CYP2C18: variants seen among roughly 807,000 people sequenced by gnomAD.
CYP2C18 encodes the protein cytochrome P450 2C18.
In CYP2C18, 38 loss-of-function variants were observed where a neutral mutation model predicts 41.3. The observed-to-expected ratio is 0.92, with a 90% CI of 0.71 to 1.21. CYP2C18 has a LOEUF of 1.21. CYP2C18 is among the 50% of genes most tolerant of loss of function. The probability of loss-of-function intolerance (pLI) is 0.00; values close to 1 mark genes in which losing one functional copy is unlikely to be tolerated. For synonymous variants in CYP2C18, 236 were observed against 210.0 expected (o/e 1.12, Z -1.07); for missense variants, 635 against 591.4 (o/e 1.07, Z -0.77).
Position 94,687,788 on chromosome 10 carries a change from C to T in CYP2C18, c.187C>T (p.Pro63Ser). ...SLTNFSKVYG[P>S]VFTVYFGLKP... is the part of the protein sequence containing the mutation. ...TGTTTAGTTCTCAAAAGTCTATGGCCCTGTGTTCACTGTGTATTTTGGCCT... is the reference window on the plus strand; with the variant it reads ...TGTTTAGTTCTCAAAAGTCTATGGCTCTGTGTTCACTGTGTATTTTGGCCT... The change falls in exon 2 of 9, where the codon CCT becomes TCT. Residue 63 changes from proline to serine, a missense_variant. Pro to Ser is a moderately conservative substitution (Grantham distance 74). Coordinates refer to ENST00000285979, the MANE Select transcript of CYP2C18 (RefSeq NM_000772.3). 1 of 1,613,188 alleles carries T rather than the reference C, an allele frequency of 6.2e-7. No homozygotes were observed. Among genetic ancestry groups the T allele is most frequent in the Non-Finnish European group, 8.5e-7 (1 of 1,179,518 alleles).
intron 5 of CYP2C18, among the ~76,000 whole-genome samples, chr10:94,712,212 G>A (rs894005651): frequency 1.2e-4 from 18 of 150,458 alleles, no homozygotes; most frequent in Non-Finnish European, 1.9e-4. Context: ...GGAATCCATG[G>A]ATAGGAAGGT....
chr10:94,727,829 T>A (rs1847769328), intron 7 of CYP2C18, among the ~76,000 whole-genome samples: 1 of 152,112 alleles, frequency 6.6e-6, no homozygotes, highest in Admixed American at 6.6e-5. Context: ...ATCTATACAT[T>A]TATCTGCATT....
At chr10:94,708,273 T>C (rs907687651) in intron 5 of CYP2C18, among the ~76,000 whole-genome samples, 1 of 152,092 alleles carries the variant, frequency 6.6e-6, no homozygotes, top group Non-Finnish European at 1.5e-5. Flanking sequence ...AGAAACAAAT[T>C]ATTTGTACTC....
At chr10:94,726,286 T>C (rs2134207348) in intron 7 of CYP2C18, among the ~76,000 whole-genome samples, 1 of 152,180 alleles carries the variant, frequency 6.6e-6, no homozygotes. Context: ...GCCATGGTGG[T>C]TCGCTGCACC....
At chr10:94,684,446 T>C (rs949148606) in intron 1 of CYP2C18, among the ~76,000 whole-genome samples, 1 of 152,192 alleles carries the variant, frequency 6.6e-6, no homozygotes, top group African/African-American at 2.4e-5. Flanking sequence ...TGAGATCATA[T>C]ATGATATTTG....
rs975780384 is a variant in CYP2C18, at chr10:94,711,102, A to G, written c.819+4142A>G. Among the ~76,000 whole-genome samples the G allele has an allele frequency of 2.6e-5, 4 of 152,284 alleles. No individual in the cohort carries two copies. The East Asian group carries it at 7.7e-4, about 29-fold the overall frequency. ...CCAACTGAATATAAGAACTCAGTTC[A>G]TTCAGTCCCTTGTCCTAAGCATCTC... On this transcript the variant is annotated intron_variant, in intron 5 of 8. Transcript: ENST00000285979.
chr10:94,707,100 G>C, intron 5 of CYP2C18, 140 bp downstream of exon 5: 1 of 529,338 alleles, frequency 1.9e-6, no homozygotes, highest in South Asian at 3.5e-5. Flanking sequence ...GCACCATGGA[G>C]AATTTATAAT....
intron 4 of CYP2C18, among the ~76,000 whole-genome samples, chr10:94,702,352 C>T (rs12765525): frequency 0.26 from 39,720 of 151,956 alleles, 5,478 homozygotes; most frequent in Middle Eastern, 0.3. Context: ...CCATTCTCCC[C>T]GTCACTTTCA....
intron 3 of CYP2C18, among the ~76,000 whole-genome samples, chr10:94,693,502 C>A (rs1847053229): frequency 6.6e-6 from 1 of 152,196 alleles, no homozygotes; most frequent in East Asian, 1.9e-4. Flanking sequence ...GCCTAATATA[C>A]TTCCCCACAT....
intron 5 of CYP2C18, among the ~76,000 whole-genome samples, chr10:94,716,577 T>C (rs1847548213): frequency 6.6e-6 from 1 of 152,212 alleles, no homozygotes; most frequent in Non-Finnish European, 1.5e-5. Flanking sequence ...TTTTTACATT[T>C]GCTGAGGAGT....
chr10:94,720,713 A>G (rs1161697835), intron 6 of CYP2C18, among the ~76,000 whole-genome samples, 176 bp downstream of exon 6: 1 of 152,202 alleles, frequency 6.6e-6, no homozygotes. Flanking sequence ...TTTGCACAAT[A>G]GGGAAGAGGG....
intron 7 of CYP2C18, chr10:94,728,581 T>TC: frequency 1.1e-6 from 1 of 934,732 alleles, no homozygotes; most frequent in Non-Finnish European, 1.3e-6. Flanking sequence ...GATGAAGAGT[T>TC]CCCCCACGTG....
chr10:94,713,549 A>G (rs1210969504), intron 5 of CYP2C18, among the ~76,000 whole-genome samples: 1 of 152,182 alleles, frequency 6.6e-6, no homozygotes, highest in African/African-American at 2.4e-5. Context: ...CATGGTGTAT[A>G]TGTGCCACAT....
chr10:94,688,279 G>T lies in CYP2C18; in HGVS notation c.481+5G>T. On this transcript the variant is annotated splice_donor_5th_base_variant and intron_variant, in intron 3 of 8. Transcript: ENST00000285979. The stretch of plus-strand genomic sequence containing the variant: ...AGGAGTTGAGAAAAACCAATGGTGG[G>T]TGACTTTTTTTTTTCCTGAAAAATG... 1 of 1,588,532 alleles carries T rather than the reference G, an allele frequency of 6.3e-7. No individual in the cohort carries two copies. Among genetic ancestry groups the T allele is most frequent in the South Asian group, 1.2e-5 (1 of 83,634 alleles).
chr10:94,710,505 G>T (rs1847416626), intron 5 of CYP2C18, among the ~76,000 whole-genome samples: 1 of 152,188 alleles, frequency 6.6e-6, no homozygotes, highest in Non-Finnish European at 1.5e-5. Context: ...TCTTCCAATA[G>T]ATGAACATGG....
At chr10:94,689,604 A>C (rs890810076) in intron 3 of CYP2C18, among the ~76,000 whole-genome samples, 1 of 152,158 alleles carries the variant, frequency 6.6e-6, no homozygotes, top group Admixed American at 6.5e-5. Flanking sequence ...CTTGGATACC[A>C]AAATCCACAT....
At chr10:94,706,742 A>AATT in intron 4 of CYP2C18, 42 bp from the exon 5 acceptor site, 1 of 1,145,356 alleles carries the variant, frequency 8.7e-7, no homozygotes, top group Non-Finnish European at 1.2e-6. Context: ...ATATGTCTTC[A>AATT]ATACATGTGT....
intron 5 of CYP2C18, among the ~76,000 whole-genome samples, chr10:94,711,845 T>C (rs1847440979): frequency 6.6e-6 from 1 of 151,950 alleles, no homozygotes. Context: ...CTGAATTTTA[T>C]TCTTTTTTGT....
chr10:94,705,613 C>T (rs1164001729), intron 4 of CYP2C18, among the ~76,000 whole-genome samples: 1 of 151,962 alleles, frequency 6.6e-6, no homozygotes, highest in Non-Finnish European at 1.5e-5. Context: ...GACTGATTTC[C>T]AGAGTTCTGT....
Sources: allele counts gnomAD v4.1 joint callset (sites outside exome capture counted in the v4.1 genomes callset), GRCh38; gene constraint gnomAD v4.1.1; transcripts MANE v1.5; gene names NCBI Gene and HGNC (gene_info 2026-07-23, HGNC 2026-07-21).